The following TMEM244 variants were observed in gnomAD, a reference collection of about 807,000 sequenced individuals.
TMEM244 encodes putative transmembrane protein 244.
TMEM244 carries 13 observed loss-of-function variants against 15.8 expected under a neutral mutation model. That is an observed-to-expected ratio of 0.82 (90% CI 0.53 to 1.30). TMEM244 has a LOEUF of 1.30. TMEM244 is among the 50% of genes most tolerant of loss of function. The probability of loss-of-function intolerance (pLI) is 0.00; values close to 1 mark genes in which losing one functional copy is unlikely to be tolerated. For synonymous variants in TMEM244, 45 were observed against 48.7 expected, an observed-to-expected ratio of 0.92 and a Z score of 0.32; for missense variants, 161 against 144.9, an observed-to-expected ratio of 1.11 and a Z score of -0.57.
chr6:129,844,521 T>C (rs1044715984), intron 2 of TMEM244, among the ~76,000 whole-genome samples: 7 of 152,228 alleles, frequency 4.6e-5, no homozygotes, highest in Non-Finnish European at 2.9e-5. Flanking sequence ...AATCTGAGTC[T>C]ATTAAAGCAT....
intron 1 of TMEM244, among the ~76,000 whole-genome samples, chr6:129,857,446 C>T: frequency 6.6e-6 from 1 of 151,994 alleles, no homozygotes; most frequent in East Asian, 1.9e-4. Context: ...ACCTCCGTCT[C>T]CTGGGTTTAA....
chr6:129,850,946 T>G (rs559192910), intron 1 of TMEM244, among the ~76,000 whole-genome samples: 3 of 152,206 alleles, frequency 2.0e-5, no homozygotes, highest in African/African-American at 7.2e-5. Flanking sequence ...CCCCTGCCCC[T>G]GTTGATAGTC....
intron 1 of TMEM244, among the ~76,000 whole-genome samples, chr6:129,857,321 C>CAG (rs1776727079): frequency 6.6e-6 from 1 of 150,930 alleles, no homozygotes; most frequent in Admixed American, 6.6e-5. Context: ...TGTGTATACA[C>CAG]ACACACACAC....
chr6:129,838,811 A>G (rs12183402), intron 3 of TMEM244, among the ~76,000 whole-genome samples: 23,606 of 152,170 alleles, frequency 0.16, 2,984 homozygotes, highest in African/African-American at 0.34. Context: ...CTCTGTGCAA[A>G]TAAACTAGAA....
At chr6:129,834,582 A>G (rs1776376604) in intron 3 of TMEM244, among the ~76,000 whole-genome samples, 1 of 152,216 alleles carries the variant, frequency 6.6e-6, no homozygotes, top group African/African-American at 2.4e-5. Context: ...TGCAGTCGGT[A>G]AGCGAGACAC....
At chr6:129,843,389 C>T in intron 3 of TMEM244, 141 bp downstream of exon 3, 1 of 481,804 alleles carries the variant, frequency 2.1e-6, no homozygotes, top group Non-Finnish European at 3.6e-6. Flanking sequence ...GGCACTTTTC[C>T]TAATTAATTT....
chr6:129,849,976 G>A (rs773320852), intron 1 of TMEM244, among the ~76,000 whole-genome samples: 3 of 152,276 alleles, frequency 2.0e-5, no homozygotes, highest in South Asian at 2.1e-4. Flanking sequence ...TTAAGGCATC[G>A]CATCTGCATT....
chr6:129,843,898 G>A (rs980752851), intron 2 of TMEM244, among the ~76,000 whole-genome samples: 3 of 152,090 alleles, frequency 2.0e-5, no homozygotes, highest in Non-Finnish European at 4.4e-5. Flanking sequence ...AGGTAACAAG[G>A]GACAAGGCAA....
intron 3 of TMEM244, among the ~76,000 whole-genome samples, chr6:129,837,220 G>T (rs1431579881): frequency 2.0e-5 from 3 of 152,244 alleles, no homozygotes; most frequent in Non-Finnish European, 4.4e-5. Flanking sequence ...ACTAACAGTG[G>T]ATCTCTTGGC....
chr6:129,861,051 G>A (rs1776801381), intron 1 of TMEM244, 105 bp downstream of exon 1: 2 of 1,278,900 alleles, frequency 1.6e-6, no homozygotes, highest in African/African-American at 1.5e-5. Flanking sequence ...AGCCAAAAGT[G>A]AAACAAGTTG....
chr6:129,846,118 G>A (rs375009426), intron 1 of TMEM244, among the ~76,000 whole-genome samples: 9 of 152,160 alleles, frequency 5.9e-5, no homozygotes, highest in East Asian at 5.8e-4. Context: ...TTTAATTTGA[G>A]CATTAATAGC....
chr6:129,848,936 TTTC>T (rs1238020494), intron 1 of TMEM244, among the ~76,000 whole-genome samples: 3 of 152,132 alleles, frequency 2.0e-5, no homozygotes, highest in Non-Finnish European at 4.4e-5. Flanking sequence ...CCATTAAACT[TTTC>T]TTATCTCTGT....
intron 2 of TMEM244, among the ~76,000 whole-genome samples, chr6:129,845,074 A>G (rs17058073): frequency 0.068 from 10,373 of 152,254 alleles, 520 homozygotes; most frequent in South Asian, 0.2. Context: ...CTTACATAAA[A>G]ATGATACCAT....
At chr6:129,857,095 A>C (rs1163500283) in intron 1 of TMEM244, among the ~76,000 whole-genome samples, 1 of 151,950 alleles carries the variant, frequency 6.6e-6, no homozygotes, top group Admixed American at 6.6e-5. Flanking sequence ...GTGTGTAGAA[A>C]GGCTTCTGAT....
intron 1 of TMEM244, among the ~76,000 whole-genome samples, chr6:129,851,647 CA>C (rs1380590323): frequency 6.6e-6 from 1 of 152,048 alleles, no homozygotes; most frequent in East Asian, 1.9e-4. Context: ...GTGAATAGCC[CA>C]AGGACACACC....
chr6:129,850,116 C>G (rs901851279), intron 1 of TMEM244, among the ~76,000 whole-genome samples: 2 of 152,142 alleles, frequency 1.3e-5, no homozygotes, highest in Non-Finnish European at 2.9e-5. Flanking sequence ...GACTCAAGCC[C>G]TGCTCCGACT....
At chr6:129,849,827 T>C (rs1351035136) in intron 1 of TMEM244, among the ~76,000 whole-genome samples, 1 of 152,008 alleles carries the variant, frequency 6.6e-6, no homozygotes, top group Non-Finnish European at 1.5e-5. Flanking sequence ...TACAGAGTGC[T>C]ATGTAAGCCC....
intron 3 of TMEM244, among the ~76,000 whole-genome samples, chr6:129,839,408 AGG>A (rs1422313476): frequency 1.3e-5 from 2 of 152,218 alleles, no homozygotes; most frequent in Non-Finnish European, 2.9e-5. Flanking sequence ...TCAATAAACT[AGG>A]TATTGATGGA....
intron 3 of TMEM244, among the ~76,000 whole-genome samples, chr6:129,837,308 C>T (rs1776422675): frequency 6.6e-6 from 1 of 152,308 alleles, no homozygotes; most frequent in East Asian, 1.9e-4. Flanking sequence ...CCCAGAATTT[C>T]ATATCCAGTC....
Sources: gnomAD v4.1 joint callset for allele counts (sites outside exome capture counted in the v4.1 genomes callset) on GRCh38, gnomAD v4.1.1 for gene constraint, MANE v1.5 for transcripts, NCBI Gene and HGNC (gene_info 2026-07-23, HGNC 2026-07-21) for gene names.